CSNK2A2IP: variants seen among roughly 807,000 people sequenced by gnomAD.
CSNK2A2IP encodes casein kinase 2 subunit alpha' interacting protein.
the CSNK2A2IP span, among the ~76,000 whole-genome samples, chr3:88,434,680 C>A: frequency 6.6e-6 from 1 of 152,130 alleles, no homozygotes. Flanking sequence ...TTTATAGTTT[C>A]CCCACCCAAT....
At chr3:88,433,516 T>TC in the CSNK2A2IP span, among the ~76,000 whole-genome samples, 4 of 152,198 alleles carry the variant, frequency 2.6e-5, no homozygotes, top group Non-Finnish European at 5.9e-5. Context: ...TTTTCTATTT[T>TC]TATAATTTAA....
the CSNK2A2IP span, among the ~76,000 whole-genome samples, chr3:88,360,818 G>T: frequency 6.0e-5 from 3 of 49,846 alleles, no homozygotes; most frequent in Non-Finnish European, 1.5e-4. Flanking sequence ...TTAATTTTTT[G>T]GTTTTTTTTA....
At chr3:88,421,668 C>T in the CSNK2A2IP span, among the ~76,000 whole-genome samples, 8 of 152,104 alleles carry the variant, frequency 5.3e-5, no homozygotes, top group Non-Finnish European at 7.4e-5. Flanking sequence ...CCACCCACCT[C>T]GGCCTCTCAA....
the CSNK2A2IP span, among the ~76,000 whole-genome samples, chr3:88,420,141 A>T: frequency 4.8e-3 from 724 of 152,226 alleles, 4 homozygotes; most frequent in African/African-American, 0.017. Flanking sequence ...GTAGCTAAGG[A>T]TCGGAATAGC....
chr3:88,374,245 T>G, the CSNK2A2IP span, among the ~76,000 whole-genome samples: 1 of 151,618 alleles, frequency 6.6e-6, no homozygotes, highest in East Asian at 1.9e-4. Context: ...AAGGACATAT[T>G]TTGGAGGAAG....
chr3:88,457,006 G>A, the CSNK2A2IP span, among the ~76,000 whole-genome samples: 17 of 151,768 alleles, frequency 1.1e-4, no homozygotes, highest in African/African-American at 4.1e-4. Flanking sequence ...AACATCTAAC[G>A]TACCAGGGTA....
the CSNK2A2IP span, among the ~76,000 whole-genome samples, chr3:88,445,703 T>A: frequency 2.0e-5 from 3 of 152,108 alleles, no homozygotes; most frequent in African/African-American, 7.2e-5. Context: ...GGATTACAAG[T>A]GTACGATGCC....
the CSNK2A2IP span, chr3:88,465,205 T>C: frequency 7.0e-6 from 3 of 427,082 alleles, no homozygotes; most frequent in African/African-American, 6.1e-5. Context: ...TAGTCTATAA[T>C]ATTTGAGAAT....
chr3:88,463,866 A>G, the CSNK2A2IP span, among the ~76,000 whole-genome samples: 1 of 152,110 alleles, frequency 6.6e-6, no homozygotes, highest in African/African-American at 2.4e-5. Context: ...TGTTTATTGC[A>G]GCACTATTCA....
At chr3:88,416,271 TAAAA>T in the CSNK2A2IP span, among the ~76,000 whole-genome samples, 1 of 117,998 alleles carries the variant, frequency 8.5e-6, no homozygotes. Flanking sequence ...GACTCCCTAT[TAAAA>T]AAAAAAAAAA....
chr3:88,452,144 C>T, the CSNK2A2IP span, among the ~76,000 whole-genome samples: 1 of 151,608 alleles, frequency 6.6e-6, no homozygotes. Context: ...TGCTCCTAAT[C>T]TCCAATCTTT....
the CSNK2A2IP span, among the ~76,000 whole-genome samples, chr3:88,449,247 A>G: frequency 6.6e-5 from 10 of 152,194 alleles, no homozygotes; most frequent in East Asian, 1.7e-3. Flanking sequence ...CCTTTTATTT[A>G]CATATACAGT....
the CSNK2A2IP span, among the ~76,000 whole-genome samples, chr3:88,411,651 AGTTT>A: frequency 6.6e-6 from 1 of 151,838 alleles, no homozygotes; most frequent in African/African-American, 2.4e-5. Context: ...AAAATTTTTA[AGTTT>A]GTTTGAAACA....
the CSNK2A2IP span, among the ~76,000 whole-genome samples, chr3:88,411,402 T>TATCC: frequency 7.8e-6 from 1 of 128,984 alleles, no homozygotes; most frequent in Non-Finnish European, 1.7e-5. Context: ...TCTATCTATC[T>TATCC]ATCCATCCAT....
At chr3:88,387,459 G>T in the CSNK2A2IP span, among the ~76,000 whole-genome samples, 5 of 152,032 alleles carry the variant, frequency 3.3e-5, no homozygotes, top group African/African-American at 1.2e-4. Flanking sequence ...ATGAGCTACT[G>T]TGCCCGGCCA....
chr3:88,462,713 G>A, the CSNK2A2IP span, among the ~76,000 whole-genome samples: 2 of 152,240 alleles, frequency 1.3e-5, no homozygotes, highest in South Asian at 2.1e-4. Flanking sequence ...ATTAAATGAA[G>A]AAGTGCTTGG....
At chr3:88,429,147 T>C in the CSNK2A2IP span, among the ~76,000 whole-genome samples, 1 of 151,834 alleles carries the variant, frequency 6.6e-6, no homozygotes, top group African/African-American at 2.4e-5. Flanking sequence ...TGTCCAAACA[T>C]GATTCTCCAA....
the CSNK2A2IP span, among the ~76,000 whole-genome samples, chr3:88,359,967 T>TC: frequency 6.6e-6 from 1 of 152,232 alleles, no homozygotes; most frequent in Non-Finnish European, 1.5e-5. Context: ...GGTGTTGAAG[T>TC]CCCCAACTAT....
At chr3:88,440,541 G>A in the CSNK2A2IP span, among the ~76,000 whole-genome samples, 2 of 152,132 alleles carry the variant, frequency 1.3e-5, no homozygotes, top group African/African-American at 2.4e-5. Context: ...TTTGGGAAAG[G>A]TAAATTGTCT....
Sources: gnomAD v4.1 joint callset for allele counts (sites outside exome capture counted in the v4.1 genomes callset) on GRCh38, gnomAD v4.1.1 for gene constraint, MANE v1.5 for transcripts, NCBI Gene and HGNC (gene_info 2026-07-23, HGNC 2026-07-21) for gene names.